Variants in NUDT3 observed in about 807,000 individuals in gnomAD.
The protein encoded by NUDT3 is diphosphoinositol polyphosphate phosphohydrolase 1.
Under a neutral mutation model 23.6 loss-of-function variants are expected in NUDT3, and 9 were observed. That is an observed-to-expected ratio of 0.38 (90% CI 0.23 to 0.66). NUDT3 has a LOEUF of 0.66. NUDT3 is among the 30% of genes least tolerant of loss of function. The pLI is 0.52. For synonymous variants in NUDT3, 86 were observed against 82.6 expected (o/e 1.04, Z -0.22); for missense variants, 172 against 218.5 (o/e 0.79, Z 1.34).
At chr6:34,320,129 G>C (rs1316190723) in intron 2 of NUDT3, among the ~76,000 whole-genome samples, 1 of 151,702 alleles carries the variant, frequency 6.6e-6, no homozygotes, top group Non-Finnish European at 1.5e-5. Context: ...AGTCAAGAAG[G>C]AGGGCTGTTA....
At chr6:34,343,947 T>C (rs889109915) in intron 1 of NUDT3, among the ~76,000 whole-genome samples, 2 of 152,216 alleles carry the variant, frequency 1.3e-5, no homozygotes, top group African/African-American at 4.8e-5. Flanking sequence ...TCAACATCAT[T>C]AGTCATTAGG....
chr6:34,323,431 G>A (rs975154706), intron 2 of NUDT3, among the ~76,000 whole-genome samples: 2 of 152,100 alleles, frequency 1.3e-5, no homozygotes, highest in Non-Finnish European at 2.9e-5. Flanking sequence ...GCTGGGTGTG[G>A]TGGCTTGTGC....
chr6:34,307,793 A>G (rs535211570), intron 2 of NUDT3, among the ~76,000 whole-genome samples: 2 of 152,218 alleles, frequency 1.3e-5, no homozygotes, highest in African/African-American at 4.8e-5. Context: ...TAATCCAACT[A>G]CACTTTAAAC....
chr6:34,363,879 T>A (rs1204909196), intron 1 of NUDT3, among the ~76,000 whole-genome samples: 2 of 152,066 alleles, frequency 1.3e-5, no homozygotes, highest in Non-Finnish European at 2.9e-5. Context: ...TTTAAGCGAT[T>A]CTCCTGCCTT....
chr6:34,345,803 T>G (rs1209812985), intron 1 of NUDT3, among the ~76,000 whole-genome samples: 1 of 152,004 alleles, frequency 6.6e-6, no homozygotes, highest in African/African-American at 2.4e-5. Context: ...AGTTTTGCTC[T>G]TGTTGCCCAG....
At chr6:34,376,593 T>A (rs1254951643) in intron 1 of NUDT3, among the ~76,000 whole-genome samples, 1 of 152,166 alleles carries the variant, frequency 6.6e-6, no homozygotes, top group African/African-American at 2.4e-5. Context: ...ATCTTTAACA[T>A]ATCATCTGTT....
intron 1 of NUDT3, among the ~76,000 whole-genome samples, chr6:34,391,877 AC>A (rs1765207130): frequency 6.6e-6 from 1 of 151,080 alleles, no homozygotes; most frequent in African/African-American, 2.4e-5. Flanking sequence ...GCCTCCGCAC[AC>A]ATGTGCCTGG....
chr6:34,340,017 A>G (rs1312854588), intron 2 of NUDT3, among the ~76,000 whole-genome samples: 1 of 152,224 alleles, frequency 6.6e-6, no homozygotes, highest in African/African-American at 2.4e-5. Context: ...AGCAACTCTG[A>G]AACACCGACA....
chr6:34,321,593 A>T (rs1018822908), intron 2 of NUDT3, among the ~76,000 whole-genome samples: 2 of 151,974 alleles, frequency 1.3e-5, no homozygotes, highest in Non-Finnish European at 2.9e-5. Flanking sequence ...TAATATATAT[A>T]TTTTTCGCTT....
chr6:34,356,253 A>AAAATTAC (rs1221006565), intron 1 of NUDT3, among the ~76,000 whole-genome samples: 15 of 152,206 alleles, frequency 9.9e-5, no homozygotes, highest in Non-Finnish European at 1.6e-4. Context: ...ACAAAAATTA[A>AAAATTAC]AAATTACATT....
Position 34,285,605 on chromosome 6 carries a change from T to C in NUDT3, c.*3148A>G, listed in dbSNP as rs542167564. The C allele has an allele frequency of 1.1e-4, 16 of 152,324 alleles. No individual in the cohort carries two copies. Among genetic ancestry groups the C allele is most frequent in the African/African-American group, 3.6e-4 (15 of 41,578 alleles). The allele number at this position is 152,324 out of a possible 1,614,324, so 9.4% of individuals were successfully genotyped here. ...TCTGGTAGAATTAATGACAAATCAA[T>C]GTCAGTGAAATATTCTGCAAACAGG... On this transcript the variant is annotated 3_prime_UTR_variant, in exon 5 of 5. Transcript: ENST00000607016.
chr6:34,362,437 A>G (rs1452227848), intron 1 of NUDT3, among the ~76,000 whole-genome samples: 1 of 152,146 alleles, frequency 6.6e-6, no homozygotes, highest in Non-Finnish European at 1.5e-5. Context: ...TGGCCTCCCA[A>G]TGTGCTGGGA....
rs1490665760 is a variant in NUDT3 at position 34,281,995 on chromosome 6, C to G, written c.*6758G>C. ...TTGGAAACTCTCCAAGACTTAACTT[C>G]CGATCTGGGGAGGTTCTACGTGGAG... On this transcript the variant is annotated 3_prime_UTR_variant, in exon 5 of 5. Transcript: ENST00000607016. 1 of 152,220 alleles carries G rather than the reference C, an allele frequency of 6.6e-6. No homozygotes were observed. The highest frequency in any genetic ancestry group is 1.5e-5 in the Non-Finnish European group (1 of 68,038). 9.4% of individuals were successfully genotyped at this position (152,220 alleles called of 1,614,324 possible). A position where few individuals can be genotyped will look rare whatever the true frequency, so the allele number is the denominator to read the frequency against.
At position 34,341,981 on chromosome 6, in the gene NUDT3, T is replaced by C. The variant is rs749863766; in HGVS notation, c.100-9A>G. ...CTGCTCACGAGTAGCACCTGTTAAGTCACAAAGGTTGCATGGGGGGGTTAA... is the reference window on the plus strand; with the variant it reads ...CTGCTCACGAGTAGCACCTGTTAAGCCACAAAGGTTGCATGGGGGGGTTAA... On this transcript the variant is annotated splice_polypyrimidine_tract_variant and intron_variant, in intron 1 of 4. Transcript: ENST00000607016. The C allele has an allele frequency of 9.9e-6, 16 of 1,609,692 alleles. No individual in the cohort carries two copies. The East Asian group carries it at 3.3e-4, about 34-fold the overall frequency.
chr6:34,313,742 C>T (rs1389167607), intron 2 of NUDT3, among the ~76,000 whole-genome samples: 6 of 151,656 alleles, frequency 4.0e-5, no homozygotes, highest in Non-Finnish European at 7.4e-5. Flanking sequence ...GCGGGCAGAT[C>T]ACGAGGTCAG....
At chr6:34,292,849 G>A (rs1373435228) in intron 4 of NUDT3, among the ~76,000 whole-genome samples, 2 of 152,290 alleles carry the variant, frequency 1.3e-5, no homozygotes, top group East Asian at 3.9e-4. Context: ...CTGCTCAGGA[G>A]GTGCAGAAGT....
At position 34,392,552 on chromosome 6, in the gene NUDT3, C is replaced by G. The variant is rs1212501735; in HGVS notation, c.-190G>C. The stretch of plus-strand genomic sequence containing the variant: ...ATTCCCCCAGGCCCAGGTCCCGCGC[C>G]GCCGCTGCCACCGTCACGGCTGCCG... On this transcript the variant is annotated 5_prime_UTR_variant, in exon 1 of 5. Transcript: ENST00000607016. 1 of 386,802 alleles carries G rather than the reference C, an allele frequency of 2.6e-6. No individual in the cohort carries two copies. The highest frequency in any genetic ancestry group is 4.6e-6 in the Non-Finnish European group (1 of 217,612). 24.0% of individuals were successfully genotyped at this position (386,802 alleles called of 1,614,324 possible).
Position 34,390,015 on chromosome 6 carries a change from T to C in NUDT3, c.99+2249A>G, listed in dbSNP as rs565962746. The stretch of plus-strand genomic sequence containing the variant: ...AGCCAAGCATTATGGCAGGTGCCTG[T>C]AATCCCAGCTACTCGGGAGGCTGAG... On this transcript the variant is annotated intron_variant, in intron 1 of 4. Coordinates refer to ENST00000607016, the MANE Select transcript of NUDT3 (RefSeq NM_006703.4). 2.1e-4 allele frequency among the ~76,000 whole-genome samples: 31 copies of C among 147,758 alleles called. No homozygotes were observed. The South Asian group carries it at 6.4e-3, about 31-fold the overall frequency.
chr6:34,368,180 G>A (rs1020140020), intron 1 of NUDT3, among the ~76,000 whole-genome samples: 1 of 152,196 alleles, frequency 6.6e-6, no homozygotes, highest in African/African-American at 2.4e-5. Flanking sequence ...CAGCCTGGGC[G>A]ACAGAGCGAG....
Sources: gnomAD v4.1 joint callset for allele counts (sites outside exome capture counted in the v4.1 genomes callset) on GRCh38, gnomAD v4.1.1 for gene constraint, MANE v1.5 for transcripts, NCBI Gene and HGNC (gene_info 2026-07-23, HGNC 2026-07-21) for gene names.